PTPRN2: variants seen among roughly 807,000 people sequenced by gnomAD.
PTPRN2 encodes the protein protein tyrosine phosphatase receptor type N2.
PTPRN2 carries 74 observed loss-of-function variants against 118.8 expected under a neutral mutation model. That is an observed-to-expected ratio of 0.62 (90% CI 0.52 to 0.76). The LOEUF (loss-of-function observed/expected upper bound fraction) is 0.76, where lower values mean the gene tolerates loss of function less well. PTPRN2 is among the 30% of genes least tolerant of loss of function. The pLI, the probability that PTPRN2 is intolerant of heterozygous loss-of-function variation, is 0.00. For synonymous variants in PTPRN2, 641 were observed against 608.0 expected (o/e 1.05, Z -0.80); for missense variants, 1,481 against 1,394.4 (o/e 1.06, Z -0.99).
rs148119592 is a variant in PTPRN2 at position 158,525,477 on chromosome 7, C to T, written c.113-35692G>A. On this transcript the variant is annotated intron_variant, in intron 1 of 22. Coordinates refer to ENST00000389418, the MANE Select transcript of PTPRN2 (RefSeq NM_002847.5). This position sits in a 1 kb window ranked among gnomAD's most constrained non-coding sequence, Gnocchi z 4.1. The stretch of plus-strand genomic sequence containing the variant: ...CAAGGCTGAGCCGCTCCGCACCCCT[C>T]GCTCTACAGCTGGACACAGGCTCTG... Among the ~76,000 whole-genome samples, 8 of 152,286 alleles carry T rather than the reference C, an allele frequency of 5.3e-5. No homozygotes were observed. In the East Asian group the frequency reaches 1.2e-3, roughly 22 times the overall value.
rs118110151 is a variant in PTPRN2, at chr7:157,777,338, G to A, written c.1789-94401C>T. On this transcript the variant is annotated intron_variant, in intron 12 of 22. Coordinates refer to ENST00000389418, the MANE Select transcript of PTPRN2 (RefSeq NM_002847.5). ...GTGACTTCCTGATGCCAGAGGACAC[G>A]CAGTGCCCCACACTGCTAAGCTCAG... 3.4e-5 allele frequency among the ~76,000 whole-genome samples: 5 copies of A among 148,044 alleles called. No homozygotes were observed. In the East Asian group the frequency reaches 1.1e-3, roughly 33 times the overall value.
chr7:157,940,702 G>GC (rs151081105), intron 11 of PTPRN2, among the ~76,000 whole-genome samples: 12,324 of 60,594 alleles, frequency 0.2, 1,583 homozygotes, highest in Non-Finnish European at 0.24. Flanking sequence ...CAAATCTAAC[G>GC]CCCCCCCGTG....
chr7:157,561,743 T>C (rs751651399), intron 21 of PTPRN2, among the ~76,000 whole-genome samples: 3 of 152,244 alleles, frequency 2.0e-5, no homozygotes, highest in Non-Finnish European at 4.4e-5. Context: ...CTGCCATCTC[T>C]GCATCTGGGA....
chr7:158,155,550 A>C (rs761507439), intron 6 of PTPRN2, among the ~76,000 whole-genome samples: 11 of 52,504 alleles, frequency 2.1e-4, no homozygotes, highest in East Asian at 4.2e-4. Flanking sequence ...ATCACCATCA[A>C]CACCATCATC....
chr7:157,642,385 C>T (rs1416814758), intron 14 of PTPRN2, among the ~76,000 whole-genome samples: 1 of 152,238 alleles, frequency 6.6e-6, no homozygotes, highest in Non-Finnish European at 1.5e-5. Context: ...TACACATTTA[C>T]ACAAAGAATC....
chr7:158,408,802 C>T (rs1249992915), intron 2 of PTPRN2, among the ~76,000 whole-genome samples: 1 of 152,036 alleles, frequency 6.6e-6, no homozygotes, highest in East Asian at 1.9e-4. Context: ...GTCACATATG[C>T]TTGAGATAAA....
intron 11 of PTPRN2, among the ~76,000 whole-genome samples, chr7:157,960,497 T>C (rs546275568): frequency 2.9e-3 from 440 of 152,360 alleles, no homozygotes; most frequent in African/African-American, 9.9e-3. Context: ...TTTAACCATC[T>C]AATTTCAATT....
intron 2 of PTPRN2, among the ~76,000 whole-genome samples, chr7:158,473,167 A>AG (rs1284369237): frequency 1.3e-5 from 2 of 152,230 alleles, no homozygotes; most frequent in African/African-American, 4.8e-5. Context: ...GCTGAACCTC[A>AG]GCAGCTTCAC....
intron 1 of PTPRN2, among the ~76,000 whole-genome samples, chr7:158,582,417 G>A (rs1018509293): frequency 5.3e-5 from 8 of 151,944 alleles, no homozygotes; most frequent in Non-Finnish European, 8.8e-5. Context: ...ACCGCTCCAC[G>A]CACAAAGAAT....
intron 14 of PTPRN2, among the ~76,000 whole-genome samples, chr7:157,649,484 G>A (rs1310075687): frequency 4.4e-5 from 6 of 135,582 alleles, no homozygotes; most frequent in Admixed American, 7.5e-5. Flanking sequence ...TCGGTGGGTC[G>A]GACCCATCCA....
chr7:158,366,024 T>TACAC, intron 2 of PTPRN2, among the ~76,000 whole-genome samples: 1 of 113,076 alleles, frequency 8.8e-6, no homozygotes, highest in Admixed American at 1.0e-4. Context: ...CGTGTGCAAA[T>TACAC]ACACACACAC....
chr7:157,712,441 G>T (rs1299740163), intron 12 of PTPRN2, among the ~76,000 whole-genome samples: 1 of 152,150 alleles, frequency 6.6e-6, no homozygotes, highest in African/African-American at 2.4e-5. Flanking sequence ...CAGTAGGACT[G>T]GTGTCCTGAT....
At chr7:157,691,479 A>C (rs1349731672) in intron 12 of PTPRN2, among the ~76,000 whole-genome samples, 1 of 152,114 alleles carries the variant, frequency 6.6e-6, no homozygotes, top group African/African-American at 2.4e-5. Context: ...GGGCGAGTAG[A>C]CGAGAGCCCC....
chr7:158,300,378 C>T (rs566473118), intron 3 of PTPRN2, among the ~76,000 whole-genome samples: 4 of 152,016 alleles, frequency 2.6e-5, no homozygotes, highest in South Asian at 2.1e-4. Flanking sequence ...GAGCATGGAC[C>T]TAGGTAGTCG....
intron 2 of PTPRN2, among the ~76,000 whole-genome samples, chr7:158,390,998 C>T (rs1378210174): frequency 6.6e-6 from 1 of 152,148 alleles, no homozygotes; most frequent in South Asian, 2.1e-4. Context: ...GTGAAACCCA[C>T]CCCCACCTCC....
chr7:158,015,676 C>G lies in PTPRN2; in HGVS notation c.1723+65622G>C, dbSNP rs190266283. 6.6e-6 allele frequency among the ~76,000 whole-genome samples: 1 copy of G among 152,270 alleles called. No homozygotes were observed. Among genetic ancestry groups the G allele is most frequent in the Non-Finnish European group, 1.5e-5 (1 of 68,022 alleles). On this transcript the variant is annotated intron_variant, in intron 11 of 22. Transcript: ENST00000389418. This position sits in a 1 kb window ranked among gnomAD's most constrained non-coding sequence, Gnocchi z 4.2. ...ACTGATTTTTGCCAGTAGCAGAGAA[C>G]GTACGAGGTCTTTCTTCCTATTTTC...
chr7:158,142,185 G>A (rs1426835321), intron 6 of PTPRN2, among the ~76,000 whole-genome samples: 1 of 152,186 alleles, frequency 6.6e-6, no homozygotes, highest in Non-Finnish European at 1.5e-5. Context: ...CTTTCCACAT[G>A]CAAACCCTGC....
chr7:157,588,957 T>C (rs1441744337), intron 17 of PTPRN2, among the ~76,000 whole-genome samples: 2 of 152,168 alleles, frequency 1.3e-5, no homozygotes, highest in Non-Finnish European at 2.9e-5. Context: ...TTAATTGTAG[T>C]AAAAGATACC....
rs1453242733 is a variant in PTPRN2 at position 157,953,138 on chromosome 7, G to T, written c.1724-54401C>A. 6.6e-6 allele frequency among the ~76,000 whole-genome samples: 1 copy of T among 152,218 alleles called. No homozygotes were observed. The highest frequency in any genetic ancestry group is 2.4e-5 in the African/African-American group (1 of 41,466). On this transcript the variant is annotated intron_variant, in intron 11 of 22. Transcript: ENST00000389418. The surrounding 1 kb of genome is among the most constrained non-coding windows in gnomAD (Gnocchi z 4.6). Reference sequence around the variant, plus strand: ...CCCTCTGGCTCGAGAAGTCCTCAGCGACATCTGGGGGTCCTGTGCATGCAC... The same window carrying T: ...CCCTCTGGCTCGAGAAGTCCTCAGCTACATCTGGGGGTCCTGTGCATGCAC...
Sources: allele counts gnomAD v4.1 joint callset (sites outside exome capture counted in the v4.1 genomes callset), GRCh38; gene constraint gnomAD v4.1.1; non-coding constraint Gnocchi (gnomAD v3.1); transcripts MANE v1.5; gene names NCBI Gene and HGNC (gene_info 2026-07-23, HGNC 2026-07-21).